Variants in GRID1 observed in about 807,000 individuals in gnomAD.
The protein encoded by GRID1 is glutamate receptor ionotropic, delta-1.
Under a neutral mutation model 98.0 loss-of-function variants are expected in GRID1, and 28 were observed. That is an observed-to-expected ratio of 0.29 (90% CI 0.21 to 0.39). The LOEUF is 0.39. Ranked by LOEUF, GRID1 falls within the 10% of genes least tolerant of loss-of-function variation. The pLI is 1.00. For missense variants in GRID1, 1,111 were observed against 1,340.5 expected, an observed-to-expected ratio of 0.83 and a Z score of 2.67; for synonymous variants, 553 against 538.5, an observed-to-expected ratio of 1.03 and a Z score of -0.37.
intron 5 of GRID1, among the ~76,000 whole-genome samples, chr10:85,875,197 T>C (rs1843317242): frequency 6.6e-6 from 1 of 152,104 alleles, no homozygotes; most frequent in Admixed American, 6.6e-5. Flanking sequence ...TTTTATTCGT[T>C]ACACACAGTA....
rs114069267 is a variant in GRID1, at chr10:85,925,969, T to C, written c.727-9730A>G. On this transcript the variant is annotated intron_variant, in intron 4 of 15. Transcript: ENST00000327946. Reference sequence around the variant, plus strand: ...CTTCTTAAGGCAATAAAGTTGAAAGTAGCAATTCTTTACCAAGCTGATAAG... The same window carrying C: ...CTTCTTAAGGCAATAAAGTTGAAAGCAGCAATTCTTTACCAAGCTGATAAG... Among the ~76,000 whole-genome samples the C allele has an allele frequency of 8.6e-3, 1,309 of 152,370 alleles. 19 individuals carry two copies. Among genetic ancestry groups the C allele is most frequent in the African/African-American group, 0.03 (1,256 of 41,586 alleles).
chr10:86,027,378 T>C (rs773652898), intron 4 of GRID1, among the ~76,000 whole-genome samples: 1 of 152,222 alleles, frequency 6.6e-6, no homozygotes, highest in Non-Finnish European at 1.5e-5. Context: ...TTTCTTTCAC[T>C]TAGAATAATG....
chr10:86,062,104 CA>C (rs1564663315), intron 4 of GRID1, among the ~76,000 whole-genome samples: 3 of 152,164 alleles, frequency 2.0e-5, no homozygotes, highest in African/African-American at 7.2e-5. Flanking sequence ...TCCAACTGTG[CA>C]ATGGGGATAG....
At chr10:86,184,898 T>C (rs1475789060) in intron 3 of GRID1, among the ~76,000 whole-genome samples, 1 of 152,128 alleles carries the variant, frequency 6.6e-6, no homozygotes, top group African/African-American at 2.4e-5. Context: ...GAAATCGAAA[T>C]TGAAGTCATG....
chr10:86,121,302 C>CCACCAT (rs1269674178), intron 4 of GRID1, among the ~76,000 whole-genome samples: 1 of 152,072 alleles, frequency 6.6e-6, no homozygotes, highest in Non-Finnish European at 1.5e-5. Flanking sequence ...AAAATCATCA[C>CCACCAT]CACCATCACC....
At chr10:86,111,912 G>A (rs4284353) in intron 4 of GRID1, among the ~76,000 whole-genome samples, 136,534 of 152,322 alleles carry the variant, frequency 0.9, 61,251 homozygotes, top group East Asian at 1. Context: ...TACTACAGAC[G>A]TTGTCTTTTC....
At chr10:86,093,712 A>G (rs1239915536) in intron 4 of GRID1, among the ~76,000 whole-genome samples, 1 of 152,146 alleles carries the variant, frequency 6.6e-6, no homozygotes, top group Admixed American at 6.6e-5. Context: ...GGTAAAAATT[A>G]CCAACAAAAA....
chr10:85,893,646 T>G (rs1038508185), intron 5 of GRID1, among the ~76,000 whole-genome samples: 1 of 152,200 alleles, frequency 6.6e-6, no homozygotes, highest in African/African-American at 2.4e-5. Context: ...TATAGGAAAC[T>G]TATTAGATAT....
rs549159255 is a variant in GRID1 at position 85,714,079 on chromosome 10, AAAG to A, written c.1997+8921_1997+8923del. Reference sequence around the variant, plus strand: ...CCACGGAATACTATGCAGCCATAAAAAAGAAGAAGATAATATTCTTTGCAGCAA... The same window carrying A: ...CCACGGAATACTATGCAGCCATAAAAAAGAAGATAATATTCTTTGCAGCAA... On this transcript the variant is annotated intron_variant, in intron 12 of 15. Transcript: ENST00000327946. Among the ~76,000 whole-genome samples, 50 of 152,220 alleles carry A rather than the reference AAAG, an allele frequency of 3.3e-4. No individual in the cohort carries two copies. In the East Asian group the frequency reaches 7.5e-3, roughly 23 times the overall value.
intron 4 of GRID1, among the ~76,000 whole-genome samples, chr10:86,024,717 C>G (rs1296797336): frequency 6.6e-6 from 1 of 152,216 alleles, no homozygotes; most frequent in Non-Finnish European, 1.5e-5. Flanking sequence ...AGCAGCCTCA[C>G]AGTTAGCCGG....
chr10:85,907,086 A>C (rs1396813307), intron 5 of GRID1, among the ~76,000 whole-genome samples: 1 of 152,176 alleles, frequency 6.6e-6, no homozygotes, highest in East Asian at 1.9e-4. Flanking sequence ...GGATATTATG[A>C]ACTTCATACC....
intron 8 of GRID1, among the ~76,000 whole-genome samples, chr10:85,765,302 C>G (rs1433672894): frequency 1.3e-5 from 2 of 152,224 alleles, no homozygotes; most frequent in Non-Finnish European, 2.9e-5. Context: ...GCTGCACGGG[C>G]TGGCTTAGGC....
At chr10:85,917,732 A>G (rs1423390034) in intron 4 of GRID1, among the ~76,000 whole-genome samples, 3 of 152,246 alleles carry the variant, frequency 2.0e-5, no homozygotes, top group South Asian at 2.1e-4. Flanking sequence ...CACTGGAAAG[A>G]AAAGAGGCTG....
chr10:86,287,697 C>T (rs149879186), intron 2 of GRID1, among the ~76,000 whole-genome samples: 7 of 151,986 alleles, frequency 4.6e-5, no homozygotes, highest in Non-Finnish European at 1.0e-4. Context: ...CCAGCACAGC[C>T]GTTGCACCTG....
intron 15 of GRID1, among the ~76,000 whole-genome samples, chr10:85,611,832 C>T (rs1842735505): frequency 6.6e-6 from 1 of 152,208 alleles, no homozygotes; most frequent in Admixed American, 6.5e-5. Context: ...CACTGTCCCT[C>T]CCACTGACTT....
chr10:86,221,603 G>T (rs750618280), intron 2 of GRID1, among the ~76,000 whole-genome samples: 1 of 152,176 alleles, frequency 6.6e-6, no homozygotes. Context: ...GCTGATGCTG[G>T]GGCAGAGAAA....
chr10:86,224,497 G>T (rs889967164), intron 2 of GRID1, among the ~76,000 whole-genome samples: 2 of 152,158 alleles, frequency 1.3e-5, no homozygotes, highest in African/African-American at 4.8e-5. Context: ...GGCTGCTTCT[G>T]CTCTGACAGG....
At chr10:86,012,641 G>A (rs1426721348) in intron 4 of GRID1, among the ~76,000 whole-genome samples, 1 of 152,184 alleles carries the variant, frequency 6.6e-6, no homozygotes, top group East Asian at 1.9e-4. Flanking sequence ...ATGGTATTAA[G>A]AGATGGAGCC....
At chr10:86,020,736 A>G (rs1412711071) in intron 4 of GRID1, among the ~76,000 whole-genome samples, 1 of 152,206 alleles carries the variant, frequency 6.6e-6, no homozygotes, top group Non-Finnish European at 1.5e-5. Context: ...CAAAGCCCAC[A>G]GGACAGGCAG....
Sources: allele counts gnomAD v4.1 joint callset (sites outside exome capture counted in the v4.1 genomes callset), GRCh38; gene constraint gnomAD v4.1.1; transcripts MANE v1.5; gene names NCBI Gene and HGNC (gene_info 2026-07-23, HGNC 2026-07-21).